The following GPAA1 variants were observed in gnomAD, a reference collection of about 807,000 sequenced individuals.
The protein encoded by GPAA1 is GPI-anchor transamidase component GPAA1.
Under a neutral mutation model 64.0 loss-of-function variants are expected in GPAA1, and 54 were observed. The observed-to-expected ratio is 0.84, with a 90% CI of 0.68 to 1.06. The LOEUF is 1.06. GPAA1 is among the 50% of genes least tolerant of loss of function. The probability of loss-of-function intolerance (pLI) is 0.00; values close to 1 mark genes in which losing one functional copy is unlikely to be tolerated. For missense variants in GPAA1, 780 were observed against 822.3 expected (o/e 0.95, Z 0.63); for synonymous variants, 393 against 377.3 (o/e 1.04, Z -0.48).
At position 144,083,198 on chromosome 8, in the gene GPAA1, T is replaced by A. The variant is rs200581623; in HGVS notation, c.149T>A (p.Met50Lys). ...VFPPLTQRTY[M>K]SENAMGSTMV... ...CCGCCGCTGACCCAGCGCACTTACA[T>A]GTCGGAGAACGCCATGGGCTCCACC... The change falls in exon 2 of 12, where the codon ATG (methionine) becomes AAG (lysine). Residue 50 changes from methionine (M) to lysine (K), a missense_variant. Transcript: ENST00000355091. 6.0e-5 allele frequency: 97 copies of A among 1,612,908 alleles called. No individual in the cohort carries two copies. Among genetic ancestry groups the A allele is most frequent in the Non-Finnish European group, 7.9e-5 (93 of 1,179,806 alleles).
rs1177024818 is a variant in GPAA1, at chr8:144,084,246, C to T, written c.729C>T (p.Asn243=). The change falls in exon 6 of 12, where the codon AAC becomes AAT. Residue 243 remains asparagine, a synonymous_variant. Coordinates refer to ENST00000355091, the MANE Select transcript of GPAA1 (RefSeq NM_003801.4). ...TSLDVAVEGL[N]GQLPNLDLLN... ...TCGATGTGGCCGTGGAGGGGCTTAA[C>T]GGGCAGCTGCCCAACCTTGACCTGC... is the stretch of plus-strand genomic sequence containing the variant. 6.8e-6 allele frequency: 11 copies of T among 1,613,816 alleles called. No homozygotes were observed. The highest frequency in any genetic ancestry group is 2.7e-5 in the African/African-American group (2 of 75,064).
At chr8:144,083,342 G>A in intron 2 of GPAA1, 39 bp downstream of exon 2, 1 of 1,612,066 alleles carries the variant, frequency 6.2e-7, no homozygotes. Context: ...GAGCAGTGGT[G>A]GCTAAGGCCG....
chr8:144,082,642 GTCCCC>G lies in GPAA1; in HGVS notation c.-88_-84del. On this transcript the variant is annotated 5_prime_UTR_variant, in exon 1 of 12. Transcript: ENST00000355091. ...GGACCGGAAGTGCGGGCGAGCGCGG[GTCCCC>G]GGGTCTGACAGGAGCAGCCTGTGGG... 3.2e-6 allele frequency: 3 copies of G among 934,102 alleles called. No homozygotes were observed. Among genetic ancestry groups the G allele is most frequent in the African/African-American group, 1.8e-5 (1 of 57,108 alleles). 57.9% of individuals were successfully genotyped at this position (934,102 alleles called of 1,614,324 possible). A position where few individuals can be genotyped will look rare whatever the true frequency, so the allele number is the denominator to read the frequency against.
chr8:144,084,064 C>A (rs781964489), intron 5 of GPAA1, 24 bp downstream of exon 5: 2 of 1,606,456 alleles, frequency 1.2e-6, no homozygotes, highest in African/African-American at 2.7e-5. Context: ...TCCTGCCTGC[C>A]CTGGTCCCCC....
intron 7 of GPAA1, 25 bp from the exon 8 acceptor site, chr8:144,084,697 C>G (rs782468495): frequency 8.7e-6 from 14 of 1,612,452 alleles, no homozygotes; most frequent in Non-Finnish European, 1.1e-5. Context: ...TCTGGCCAGC[C>G]GTGAACCTGC....
intron 9 of GPAA1, 26 bp from the exon 10 acceptor site, chr8:144,085,263 T>C (rs995687234): frequency 6.4e-7 from 1 of 1,569,600 alleles, no homozygotes. Context: ...CCAGGGTCCA[T>C]CTCCAAGAGC....
At position 144,083,142 on chromosome 8, in the gene GPAA1, G is replaced by A. The variant is rs781899018; in HGVS notation, c.93G>A (p.Ala31=). Residue 31 remains alanine (A), a synonymous_variant, in exon 2 of 12, where the codon GCG becomes GCA. Coordinates refer to ENST00000355091, the MANE Select transcript of GPAA1 (RefSeq NM_003801.4). ...CTCACAGCGTGCTGAGCTACGTGGC[G>A]GGCATCGCCTGGTTCTTGGCGCTGG... is the stretch of plus-strand genomic sequence containing the variant. ...NAPLCVLSYV[A]GIAWFLALVF... 5.6e-6 allele frequency: 9 copies of A among 1,612,188 alleles called. No homozygotes were observed. The highest frequency in any genetic ancestry group is 5.9e-6 in the Non-Finnish European group (7 of 1,179,788).
chr8:144,085,796 C>T (rs1391332972), intron 11 of GPAA1, 53 bp downstream of exon 11: 21 of 1,600,170 alleles, frequency 1.3e-5, no homozygotes, highest in African/African-American at 6.7e-5. Context: ...CATCACAGAC[C>T]GCACCCTCAT....
chr8:144,083,026 C>A, intron 1 of GPAA1, 98 bp from the exon 2 acceptor site: 1 of 1,189,982 alleles, frequency 8.4e-7, no homozygotes. Flanking sequence ...TTAGGTCTCC[C>A]AGACCCGCGC....
chr8:144,086,198 G>C lies in GPAA1; in HGVS notation c.*73G>C. ...TGCCTCCTTCTGGGGAAATAAATGAGTGTCTGTTTCAGCAGCTATTTGAGC... is the reference window on the plus strand; with the variant it reads ...TGCCTCCTTCTGGGGAAATAAATGACTGTCTGTTTCAGCAGCTATTTGAGC... On this transcript the variant is annotated 3_prime_UTR_variant, in exon 12 of 12. Coordinates refer to ENST00000355091, the MANE Select transcript of GPAA1 (RefSeq NM_003801.4). 1 of 1,514,066 alleles carries C rather than the reference G, an allele frequency of 6.6e-7. No individual in the cohort carries two copies. Among genetic ancestry groups the C allele is most frequent in the Admixed American group, 1.7e-5 (1 of 57,358 alleles). 93.8% of individuals were successfully genotyped at this position (1,514,066 alleles called of 1,614,324 possible).
intron 1 of GPAA1, 81 bp from the exon 2 acceptor site, chr8:144,083,043 C>T: frequency 3.0e-6 from 4 of 1,316,826 alleles, no homozygotes; most frequent in Non-Finnish European, 4.2e-6. Flanking sequence ...GCGCGATCGA[C>T]CCCGGGTGCG....
intron 2 of GPAA1, 23 bp from the exon 3 acceptor site, chr8:144,083,366 A>G: frequency 6.2e-7 from 1 of 1,610,630 alleles, no homozygotes; most frequent in Non-Finnish European, 8.5e-7. Context: ...AGCTCTGCTC[A>G]GAGGCTCCCT....
chr8:144,084,383 G>T (rs1554764038), intron 6 of GPAA1, 30 bp from the exon 7 acceptor site: 2 of 1,609,926 alleles, frequency 1.2e-6, no homozygotes, highest in East Asian at 4.5e-5. Context: ...TGTGGGAGGG[G>T]CTGTCTCATC....
In GPAA1 at chr8:144,083,756, C is replaced by T. The variant is rs550126943; in HGVS notation, c.409C>T (p.Arg137Cys). The change falls in exon 4 of 12, where the codon CGT becomes TGT. Residue 137 changes from arginine (R) to cysteine (C), a missense_variant. Coordinates refer to ENST00000355091, the MANE Select transcript of GPAA1 (RefSeq NM_003801.4). ...CGTGTACGGCATCCTGCGGGCCCCG[C>T]GTGCTGCCAGCACCGAGTCGCTTGT... ...TNVYGILRAPRAASTESLVLT... is the reference protein window; with the variant it reads ...TNVYGILRAPCAASTESLVLT... The T allele has an allele frequency of 6.9e-6, 11 of 1,605,506 alleles. No homozygotes were observed. In the East Asian group the frequency reaches 2.2e-4, roughly 33 times the overall value.
Position 144,084,826 on chromosome 8 carries a change from G to A in GPAA1, c.1115G>A (p.Gly372Asp). The A allele has an allele frequency of 6.2e-7, 1 of 1,613,592 alleles. No homozygotes were observed. Residue 372 changes from glycine (G) to aspartate (D), a missense_variant, in exon 8 of 12, where the codon GGC becomes GAC. Physicochemically the swap from Gly to Asp is moderately conservative, Grantham distance 94. Transcript: ENST00000355091. ...GGCCTCTCCCGCTTCGTCTCCATCG[G>A]CCTCTACATGCCCGCTGTCGGCTTC... is the stretch of plus-strand genomic sequence containing the variant. ...LPGLSRFVSI[G>D]LYMPAVGFLL...
chr8:144,084,990 C>T, intron 8 of GPAA1, 53 bp from the exon 9 acceptor site: 1 of 1,558,066 alleles, frequency 6.4e-7, no homozygotes, highest in Non-Finnish European at 8.8e-7. Flanking sequence ...GCCCTGGGTC[C>T]CCCTCTGGGC....
rs1399904207 is a variant in GPAA1 at position 144,082,786 on chromosome 8, G to A, written c.56G>A (p.Arg19His). 1 of 1,465,590 alleles carries A rather than the reference G, an allele frequency of 6.8e-7. No homozygotes were observed. The highest frequency in any genetic ancestry group is 9.0e-7 in the Non-Finnish European group (1 of 1,115,088). The allele number at this position is 1,465,590 out of a possible 1,614,324, so 90.8% of individuals were successfully genotyped here. ...CGCGCGCTCGCCCGCCTAGTGCTGC[G>A]CCTCAACGCGCCGTTGTGGTGAGGA... ...RRRALARLVL[R>H]LNAPLCVLSY... Residue 19 changes from arginine (R) to histidine (H), a missense_variant, in exon 1 of 12, where the codon CGC becomes CAC. Arg to His is a conservative substitution (Grantham distance 29). Transcript: ENST00000355091.
rs782597659 is a variant in GPAA1 at position 144,085,379 on chromosome 8, G to A, written c.1351G>A (p.Val451Ile). Residue 451 changes from valine (V) to isoleucine (I), a missense_variant, in exon 10 of 12, where the codon GTT becomes ATT. Transcript: ENST00000355091. ...TGTCCTGCCAGTGCTGGGCCAACAC[G>A]TTGCCACCCAGCACTTCCCAGTGGC... ...LYVLPVLGQH[V>I]ATQHFPVAEA... is the part of the protein sequence containing the mutation. 1.4e-5 allele frequency: 22 copies of A among 1,608,664 alleles called. No individual in the cohort carries two copies. Among genetic ancestry groups the A allele is most frequent in the Middle Eastern group, 1.7e-4 (1 of 6,038 alleles).
In GPAA1 at chr8:144,084,198, G is replaced by C. The variant is rs1554763995; in HGVS notation, c.681G>C (p.Leu227=). ...GAIQAAVALE[L]SSDVVTSLDV... The stretch of plus-strand genomic sequence containing the variant: ...TTCAGGCAGCCGTGGCCCTGGAGCT[G>C]AGCAGTGATGTGGTCACCAGCCTCG... Residue 227 remains leucine (L), a synonymous_variant, in exon 6 of 12, where the codon CTG becomes CTC. Coordinates refer to ENST00000355091, the MANE Select transcript of GPAA1 (RefSeq NM_003801.4). The C allele has an allele frequency of 6.2e-7, 1 of 1,613,412 alleles. No homozygotes were observed. Among genetic ancestry groups the C allele is most frequent in the South Asian group, 1.1e-5 (1 of 91,066 alleles).
Sources: gnomAD v4.1 joint callset for allele counts on GRCh38, gnomAD v4.1.1 for gene constraint, MANE v1.5 for transcripts, NCBI Gene and HGNC (gene_info 2026-07-23, HGNC 2026-07-21) for gene names.